Variants in C2CD3 observed in about 807,000 individuals in gnomAD.
C2CD3 encodes C2 domain containing 3 centriole elongation regulator.
C2CD3 carries 148 observed loss-of-function variants against 234.0 expected under a neutral mutation model. That is an observed-to-expected ratio of 0.63 (90% CI 0.55 to 0.72). C2CD3 has a LOEUF of 0.72. C2CD3 is among the 30% of genes least tolerant of loss of function. C2CD3 has a pLI of 0.00. For synonymous variants in C2CD3, 1,000 were observed against 1,035.4 expected (o/e 0.97, Z 0.66); for missense variants, 2,577 against 2,811.5 (o/e 0.92, Z 1.89).
At chr11:74,038,511 G>A (rs1025436312) in intron 29 of C2CD3, among the ~76,000 whole-genome samples, 2 of 152,148 alleles carry the variant, frequency 1.3e-5, no homozygotes, top group Non-Finnish European at 2.9e-5. Context: ...CTTGTCCAGA[G>A]CAGGGAGCAG....
chr11:74,087,726 GT>G (rs1955704979), intron 20 of C2CD3, among the ~76,000 whole-genome samples: 1 of 152,242 alleles, frequency 6.6e-6, no homozygotes, highest in Non-Finnish European at 1.5e-5. Context: ...CCCCAAGCTG[GT>G]TTGAATTCAC....
At chr11:74,110,310 C>G (rs963098527) in intron 11 of C2CD3, among the ~76,000 whole-genome samples, 21 of 152,178 alleles carry the variant, frequency 1.4e-4, no homozygotes, top group African/African-American at 4.8e-4. Flanking sequence ...TGAAGAGAAT[C>G]TGCTATTTCT....
In C2CD3 at chr11:74,092,526, A is replaced by T; in HGVS notation, c.3407T>A (p.Ile1136Asn). ...VAKGTLPLSR[I>N]CAMVTTQHRE... is the part of the protein sequence containing the mutation. ...ATGCTGGGTGGTTACCATAGCACAGATCCTTGATAATGGCAAGGTTCCTTT... is the reference window on the plus strand; with the variant it reads ...ATGCTGGGTGGTTACCATAGCACAGTTCCTTGATAATGGCAAGGTTCCTTT... The change falls in exon 19 of 33, where the codon ATC becomes AAC. Residue 1136 changes from isoleucine to asparagine, a missense_variant. Physicochemically the swap from Ile to Asn is moderately radical, Grantham distance 149 (BLOSUM62 -3). Transcript: ENST00000334126. 6.2e-7 allele frequency: 1 copy of T among 1,613,972 alleles called. No individual in the cohort carries two copies.
chr11:74,116,844 A>T (rs1372473340), intron 9 of C2CD3, among the ~76,000 whole-genome samples: 1 of 142,284 alleles, frequency 7.0e-6, no homozygotes, highest in Non-Finnish European at 1.5e-5. Flanking sequence ...GTATATATAC[A>T]CGTGTATATG....
chr11:74,170,985 T>G lies in C2CD3; in HGVS notation c.-193A>C, dbSNP rs1431518212. ...TGCGAAGAGAAGGCGCCAAGACGCC[T>G]TCCCTCCAATACACTACAATACCCA... On this transcript the variant is annotated 5_prime_UTR_variant, in exon 1 of 33. Coordinates refer to ENST00000334126, the MANE Select transcript of C2CD3 (RefSeq NM_001286577.2). The G allele has an allele frequency of 3.9e-6, 5 of 1,289,066 alleles. No individual in the cohort carries two copies. The highest frequency in any genetic ancestry group is 5.3e-6 in the Non-Finnish European group (5 of 942,560). 79.9% of individuals were successfully genotyped at this position (1,289,066 alleles called of 1,614,324 possible).
intron 9 of C2CD3, 93 bp downstream of exon 9, chr11:74,118,135 G>A: frequency 1.1e-6 from 1 of 878,544 alleles, no homozygotes; most frequent in Non-Finnish European, 1.8e-6. Context: ...CACTCTGATG[G>A]TGCTGGGCAA....
At chr11:74,161,328 TACAA>T (rs1408776161) in intron 3 of C2CD3, 67 bp downstream of exon 3, 9 of 902,622 alleles carry the variant, frequency 1.0e-5, no homozygotes, top group Non-Finnish European at 1.5e-5. Flanking sequence ...CTATCCATTC[TACAA>T]ACAGACTCAA....
intron 3 of C2CD3, among the ~76,000 whole-genome samples, chr11:74,159,101 G>T (rs552653193): frequency 6.6e-6 from 1 of 151,994 alleles, no homozygotes; most frequent in Non-Finnish European, 1.5e-5. Context: ...AATTCCTATC[G>T]CCTAGTGACT....
chr11:74,053,837 G>A (rs1444223675), intron 26 of C2CD3, among the ~76,000 whole-genome samples: 1 of 152,178 alleles, frequency 6.6e-6, no homozygotes, highest in East Asian at 1.9e-4. Flanking sequence ...AGGAGAATAG[G>A]CCAGGTATGG....
chr11:74,164,896 C>T (rs1856704008), intron 2 of C2CD3: 1 of 151,984 alleles, frequency 6.6e-6, no homozygotes, highest in African/African-American at 2.4e-5. Flanking sequence ...AACAATGAGA[C>T]CTCATCTCCA....
In C2CD3 at chr11:74,095,246, G is replaced by C. The variant is rs149734938; in HGVS notation, c.3142C>G (p.Pro1048Ala). 229 of 1,611,696 alleles carry C rather than the reference G, an allele frequency of 1.4e-4. 1 individual carries two copies. The African/African-American group carries it at 2.7e-3, about 19-fold the overall frequency. ...AACCTACCATTTTCAAGGAACTCAG[G>C]TCCTTTCAGCACACTGGATTGAGAG... Reference protein sequence around the residue: ...QHSQSSVLKGPEFLENGITLK... With the variant: ...QHSQSSVLKGAEFLENGITLK... The change falls in exon 17 of 33, where the codon CCT becomes GCT. Residue 1048 changes from proline (P) to alanine (A), a missense_variant. Pro to Ala is a conservative substitution (Grantham distance 27). Transcript: ENST00000334126.
rs765019392 is a variant in C2CD3 at position 74,098,238 on chromosome 11, C to A, written c.2750G>T (p.Arg917Leu). 11 of 1,613,900 alleles carry A rather than the reference C, an allele frequency of 6.8e-6. No individual in the cohort carries two copies. Among genetic ancestry groups the A allele is most frequent in the Non-Finnish European group, 9.3e-6 (11 of 1,179,926 alleles). ...YMSFKDAKIS[R>L]LLLDAQYPVV... The stretch of plus-strand genomic sequence containing the variant: ...TGGGTACTGGGCATCCAGCAGCAGG[C>A]GAGAAATCTTAGCATCTCTAGAGGG... Residue 917 changes from arginine (R) to leucine (L), a missense_variant, in exon 16 of 33, where the codon CGC (arginine) becomes CTC (leucine). Transcript: ENST00000334126.
intron 12 of C2CD3, among the ~76,000 whole-genome samples, chr11:74,108,433 C>T (rs1053896113): frequency 1.3e-5 from 2 of 152,054 alleles, no homozygotes; most frequent in African/African-American, 2.4e-5. Flanking sequence ...GTAAAAACTG[C>T]TTGTTATAGT....
intron 5 of C2CD3, 64 bp downstream of exon 5, chr11:74,138,656 C>CT: frequency 1.5e-6 from 2 of 1,337,968 alleles, no homozygotes; most frequent in Non-Finnish European, 2.1e-6. Flanking sequence ...TGTAGGCTGG[C>CT]TAACAAGCAG....
Position 74,132,877 on chromosome 11 carries a change from G to C in C2CD3, c.1184C>G (p.Ala395Gly), listed in dbSNP as rs770508393. ...ENTFWRHDTK[A>G]DTRAIQLLLG... is the part of the protein sequence containing the mutation. ...TAGCAGCTGTATAGCTCTGGTATCA[G>C]CTTTTGTGTCATGTCTCCAAAATGT... Residue 395 changes from alanine to glycine, a missense_variant, in exon 7 of 33, where the codon GCT (alanine) becomes GGT (glycine). Ala to Gly is a moderately conservative substitution (Grantham distance 60). Transcript: ENST00000334126. 3.1e-6 allele frequency: 5 copies of C among 1,613,970 alleles called. No individual in the cohort carries two copies. In the Admixed American group the frequency reaches 8.3e-5, roughly 27 times the overall value.
chr11:74,113,803 G>C lies in C2CD3; in HGVS notation c.1820C>G (p.Ala607Gly), dbSNP rs769851213. ...TALITEVVRLASSKITDGKVK... is the reference protein window; with the variant it reads ...TALITEVVRLGSSKITDGKVK... ...ACTTCCATCTGTAATTTTACTGGAG[G>C]CGAGTCGAACAACCTCAGTGATCAA... Residue 607 changes from alanine (A) to glycine (G), a missense_variant, in exon 11 of 33, where the codon GCC (alanine) becomes GGC (glycine). By Grantham distance (60) the Ala-to-Gly change is moderately conservative. Transcript: ENST00000334126. 4.3e-6 allele frequency: 7 copies of C among 1,610,148 alleles called. No individual in the cohort carries two copies. The South Asian group carries it at 7.7e-5, about 18-fold the overall frequency.
At chr11:74,103,707 G>C (rs1956408240) in intron 13 of C2CD3, 82 bp from the exon 14 acceptor site, 2 of 1,142,936 alleles carry the variant, frequency 1.7e-6, no homozygotes, top group African/African-American at 3.1e-5. Context: ...AACAACATCA[G>C]ATTATTAGGA....
chr11:74,096,830 C>G (rs1037943105), intron 16 of C2CD3, among the ~76,000 whole-genome samples: 8 of 152,078 alleles, frequency 5.3e-5, no homozygotes, highest in Non-Finnish European at 7.4e-5. Context: ...ATACGATTAT[C>G]TATTGACAAA....
In C2CD3 at chr11:74,042,223, C is replaced by CAAA. The variant is rs747090151; in HGVS notation, c.5496-8_5496-6dup. On this transcript the variant is annotated splice_polypyrimidine_tract_variant and splice_region_variant and intron_variant, in intron 28 of 32. Coordinates refer to ENST00000334126, the MANE Select transcript of C2CD3 (RefSeq NM_001286577.2). ...TGGCTTCTTGTGGTATCACTTCTGT[C>CAAA]AAAAAAAAAAAAAAAAAAAGTAGGA... The CAAA allele has an allele frequency of 1.6e-4, 218 of 1,383,098 alleles. No homozygotes were observed. The highest frequency in any genetic ancestry group is 7.5e-4 in the African/African-American group (39 of 52,258). 85.7% of individuals were successfully genotyped at this position (1,383,098 alleles called of 1,614,324 possible). A position where few individuals can be genotyped will look rare whatever the true frequency, so the allele number is the denominator to read the frequency against.
Sources: allele counts gnomAD v4.1 joint callset (sites outside exome capture counted in the v4.1 genomes callset), GRCh38; gene constraint gnomAD v4.1.1; transcripts MANE v1.5; gene names NCBI Gene and HGNC (gene_info 2026-07-23, HGNC 2026-07-21).